The following SLC17A8 variants were observed in gnomAD, a reference collection of about 807,000 sequenced individuals.
SLC17A8 encodes the protein vesicular glutamate transporter 3.
SLC17A8 carries 31 observed loss-of-function variants against 58.0 expected under a neutral mutation model. The ratio of observed to expected loss-of-function variants is 0.53; its 90% CI spans 0.40 to 0.72. The LOEUF (loss-of-function observed/expected upper bound fraction) is 0.72. Among genes scored for constraint, SLC17A8 ranks in the 30% least tolerant of loss-of-function variants. SLC17A8 has a pLI of 0.00. For missense variants in SLC17A8, 655 were observed against 727.8 expected (o/e 0.90, Z 1.15); for synonymous variants, 228 against 249.0 (o/e 0.92, Z 0.79).
At chr12:100,377,009 C>T (rs932324185) in intron 1 of SLC17A8, among the ~76,000 whole-genome samples, 1 of 152,050 alleles carries the variant, frequency 6.6e-6, no homozygotes, top group African/African-American at 2.4e-5. Flanking sequence ...GGGGTTTTGC[C>T]GTGTTGGTCA....
intron 9 of SLC17A8, among the ~76,000 whole-genome samples, chr12:100,410,960 T>G (rs1397443017): frequency 6.6e-6 from 1 of 152,200 alleles, no homozygotes; most frequent in Non-Finnish European, 1.5e-5. Context: ...TGGTACTATC[T>G]CCAGCTTTTG....
intron 2 of SLC17A8, among the ~76,000 whole-genome samples, chr12:100,387,311 G>A (rs185105790): frequency 9.2e-5 from 14 of 152,220 alleles, no homozygotes; most frequent in East Asian, 5.8e-4. Context: ...ATAAAGTGAC[G>A]TCTTATGGTG....
rs1399791282 is a variant in SLC17A8, at chr12:100,380,721, A to G, written c.122A>G (p.Glu41Gly). ...ILQRKIDGTT[E>G]EEDNIELNEE... Reference sequence around the variant, plus strand: ...TGTAGAAAAATCGATGGGACAACTGAGGAAGAAGATAACATTGAGCTGAAT... The same window carrying G: ...TGTAGAAAAATCGATGGGACAACTGGGGAAGAAGATAACATTGAGCTGAAT... The change falls in exon 2 of 12, where the codon GAG becomes GGG. Residue 41 changes from glutamate (E) to glycine (G), a missense_variant. Glu to Gly is a moderately conservative substitution (Grantham distance 98). Coordinates refer to ENST00000323346, the MANE Select transcript of SLC17A8 (RefSeq NM_139319.3). 11 of 1,613,740 alleles carry G rather than the reference A, an allele frequency of 6.8e-6. No homozygotes were observed. Among genetic ancestry groups the G allele is most frequent in the Non-Finnish European group, 9.3e-6 (11 of 1,179,990 alleles).
At chr12:100,407,040 A>T (rs1182208849) in intron 9 of SLC17A8, among the ~76,000 whole-genome samples, 1 of 152,236 alleles carries the variant, frequency 6.6e-6, no homozygotes, top group Non-Finnish European at 1.5e-5. Flanking sequence ...AATAATATTT[A>T]CTTCAGAGGA....
rs11568540 is a variant in SLC17A8 at position 100,418,006 on chromosome 12, T to C, written c.1298-23T>C. The C allele has an allele frequency of 1.6e-4, 251 of 1,614,132 alleles. No homozygotes were observed. The African/African-American group carries it at 2.6e-3, about 17-fold the overall frequency. On this transcript the variant is annotated intron_variant, in intron 10 of 11. Transcript: ENST00000323346. ...TGAAATTCTGTTCTTGACTCTGATTTTGAGGTTTTGGCTTCACTGTAGGTT... is the reference window on the plus strand; with the variant it reads ...TGAAATTCTGTTCTTGACTCTGATTCTGAGGTTTTGGCTTCACTGTAGGTT...
chr12:100,394,112 A>G (rs1358914973), intron 4 of SLC17A8, among the ~76,000 whole-genome samples: 1 of 152,112 alleles, frequency 6.6e-6, no homozygotes, highest in East Asian at 1.9e-4. Flanking sequence ...TTTTCTCACC[A>G]TTTTAAAATG....
At chr12:100,361,106 AC>A (rs987374986) in intron 1 of SLC17A8, among the ~76,000 whole-genome samples, 28 of 152,164 alleles carry the variant, frequency 1.8e-4, no homozygotes, top group African/African-American at 5.5e-4. Flanking sequence ...AACATCCTTT[AC>A]TTCCCTGCCT....
At chr12:100,394,208 A>G (rs1952736174) in intron 4 of SLC17A8, among the ~76,000 whole-genome samples, 1 of 152,186 alleles carries the variant, frequency 6.6e-6, no homozygotes, top group Non-Finnish European at 1.5e-5. Context: ...ATATACAGCA[A>G]TGTTTCCCAA....
intron 2 of SLC17A8, among the ~76,000 whole-genome samples, chr12:100,389,013 G>A (rs116910231): frequency 1.1e-3 from 164 of 152,188 alleles, no homozygotes; most frequent in African/African-American, 3.9e-3. Flanking sequence ...TGGGACCAAA[G>A]GTCTGTAAGA....
chr12:100,381,900 G>A (rs1952640373), intron 2 of SLC17A8, among the ~76,000 whole-genome samples: 1 of 152,196 alleles, frequency 6.6e-6, no homozygotes, highest in Non-Finnish European at 1.5e-5. Context: ...GTTGGAAATA[G>A]TGGCCATGAC....
chr12:100,376,005 C>A (rs187202905), intron 1 of SLC17A8, among the ~76,000 whole-genome samples: 8 of 152,072 alleles, frequency 5.3e-5, no homozygotes, highest in Non-Finnish European at 1.0e-4. Context: ...GAGGTCCTTA[C>A]GGTAGGCCCT....
Position 100,402,430 on chromosome 12 carries a change from C to T in SLC17A8, c.854C>T (p.Thr285Ile), listed in dbSNP as rs727503424. Residue 285 changes from threonine (T) to isoleucine (I), a missense_variant, in exon 7 of 12, where the codon ACC (threonine) becomes ATC (isoleucine). Thr to Ile is a moderately conservative substitution (Grantham distance 89). Transcript: ENST00000323346. The stretch of plus-strand genomic sequence containing the variant: ...CCAACAATATCCAATGAGGAGAAGA[C>T]CTATATAGAGACAAGCATAGGAGAG... ...AHPTISNEEK[T>I]YIETSIGEGA... 20 of 1,613,962 alleles carry T rather than the reference C, an allele frequency of 1.2e-5. No homozygotes were observed. The highest frequency in any genetic ancestry group is 3.3e-4 in the Middle Eastern group (2 of 6,060).
chr12:100,420,214 C>A lies in SLC17A8; in HGVS notation c.*55C>A. 1 of 1,433,310 alleles carries A rather than the reference C, an allele frequency of 7.0e-7. No individual in the cohort carries two copies. Among genetic ancestry groups the A allele is most frequent in the Non-Finnish European group, 9.6e-7 (1 of 1,038,266 alleles). The allele number at this position is 1,433,310 out of a possible 1,614,324, so 88.8% of individuals were successfully genotyped here. On this transcript the variant is annotated 3_prime_UTR_variant, in exon 12 of 12. Transcript: ENST00000323346. ...ACTTTAGAAACAGAAAGTATCCATACCTATTGCCTTTCTTGTAGCCCAGCT... is the reference window on the plus strand; with the variant it reads ...ACTTTAGAAACAGAAAGTATCCATAACTATTGCCTTTCTTGTAGCCCAGCT...
intron 9 of SLC17A8, among the ~76,000 whole-genome samples, chr12:100,407,923 C>T (rs989651843): frequency 2.1e-4 from 32 of 152,102 alleles, no homozygotes; most frequent in Non-Finnish European, 1.5e-4. Flanking sequence ...TATATTTTGA[C>T]ATAGTAGGAC....
chr12:100,386,981 G>A (rs1348109581), intron 2 of SLC17A8, among the ~76,000 whole-genome samples: 2 of 152,168 alleles, frequency 1.3e-5, no homozygotes, highest in Non-Finnish European at 2.9e-5. Context: ...GAGCCACTGC[G>A]CCCAGCCACA....
intron 2 of SLC17A8, among the ~76,000 whole-genome samples, chr12:100,388,246 AC>A (rs1246583556): frequency 1.3e-5 from 2 of 152,078 alleles, no homozygotes; most frequent in Non-Finnish European, 2.9e-5. Flanking sequence ...TCTAAAATTT[AC>A]CCCACCACAC....
At chr12:100,377,184 G>A (rs1277402302) in intron 1 of SLC17A8, among the ~76,000 whole-genome samples, 3 of 152,140 alleles carry the variant, frequency 2.0e-5, no homozygotes, top group African/African-American at 4.8e-5. Flanking sequence ...TACTAGGGCA[G>A]CCCATTATAA....
At chr12:100,394,120 A>G (rs758301424) in intron 4 of SLC17A8, among the ~76,000 whole-genome samples, 2 of 152,198 alleles carry the variant, frequency 1.3e-5, no homozygotes, top group Admixed American at 6.5e-5. Context: ...CCATTTTAAA[A>G]TGTAAAAAAC....
At chr12:100,362,707 C>T (rs949322345) in intron 1 of SLC17A8, among the ~76,000 whole-genome samples, 16 of 152,174 alleles carry the variant, frequency 1.1e-4, no homozygotes, top group African/African-American at 3.9e-4. Flanking sequence ...CATCCAGGTA[C>T]AGCTTCTCCA....
Sources: gnomAD v4.1 joint callset for allele counts (sites outside exome capture counted in the v4.1 genomes callset) on GRCh38, gnomAD v4.1.1 for gene constraint, MANE v1.5 for transcripts, NCBI Gene and HGNC (gene_info 2026-07-23, HGNC 2026-07-21) for gene names.